Variants in SAFB2 observed in about 807,000 individuals in gnomAD.
SAFB2 encodes scaffold attachment factor B2.
Under a neutral mutation model 100.6 loss-of-function variants are expected in SAFB2, and 32 were observed. The observed-to-expected ratio is 0.32, with a 90% confidence interval of 0.24 to 0.43. The LOEUF (loss-of-function observed/expected upper bound fraction) is 0.43, where lower values mean the gene tolerates loss of function less well. Ranked by LOEUF, SAFB2 falls within the 20% of genes least tolerant of loss-of-function variation. The pLI is 1.00. For missense variants in SAFB2, 1,185 were observed against 1,163.4 expected, an observed-to-expected ratio of 1.02 and a Z score of -0.27; for synonymous variants, 500 against 439.4, an observed-to-expected ratio of 1.14 and a Z score of -1.72.
intron 11 of SAFB2, among the ~76,000 whole-genome samples, 190 bp downstream of exon 11, chr19:5,604,393 A>C (rs1011499415): frequency 5.3e-5 from 8 of 152,326 alleles, no homozygotes; most frequent in African/African-American, 1.9e-4. Context: ...CCCTGTCTCC[A>C]AAAAATAAAT....
chr19:5,616,163 C>T lies in SAFB2; in HGVS notation c.512G>A (p.Arg171Lys). 6.2e-7 allele frequency: 1 copy of T among 1,614,240 alleles called. No individual in the cohort carries two copies. Among genetic ancestry groups the T allele is most frequent in the African/African-American group, 1.3e-5 (1 of 75,058 alleles). Residue 171 changes from arginine (R) to lysine (K), a missense_variant, in exon 4 of 21, where the codon AGA becomes AAA. Transcript: ENST00000252542. The part of the protein sequence containing the change: ...DSKEYVAAQL[R>K]QLPAQPPEHA... ...CTCTGGGGGCTGAGCCGGGAGCTGT[C>T]TCAGCTGTGCAGCCACGTATTCTTT... is the stretch of plus-strand genomic sequence containing the variant.
At chr19:5,618,629 A>G (rs1468532516) in intron 2 of SAFB2, among the ~76,000 whole-genome samples, 1 of 152,254 alleles carries the variant, frequency 6.6e-6, no homozygotes, top group African/African-American at 2.4e-5. Flanking sequence ...AACACAGCAT[A>G]TCCTTTTGAA....
chr19:5,594,649 C>G (rs1486691508), intron 14 of SAFB2, among the ~76,000 whole-genome samples: 1 of 152,150 alleles, frequency 6.6e-6, no homozygotes, highest in Non-Finnish European at 1.5e-5. Context: ...GGCACCATCC[C>G]ATCCCATCAA....
chr19:5,597,614 A>T (rs551295182), intron 13 of SAFB2, among the ~76,000 whole-genome samples: 4 of 152,174 alleles, frequency 2.6e-5, no homozygotes, highest in Non-Finnish European at 5.9e-5. Flanking sequence ...CCAACTGGAC[A>T]CACGGAGGCT....
Position 5,604,851 on chromosome 19 carries a change from G to A in SAFB2, c.1382C>T (p.Ala461Val), listed in dbSNP as rs142026681. The A allele has an allele frequency of 1.2e-5, 19 of 1,614,100 alleles. No homozygotes were observed. The highest frequency in any genetic ancestry group is 6.7e-5 in the Admixed American group (4 of 60,020). ...GTGGAGATGGCTGATGCACTTGGTC[G>A]CCTCGTCAGATGTCGACATGGTGAC... is the stretch of plus-strand genomic sequence containing the variant. ...GFVTMSTSDEATKCISHLHRT... is the reference protein window; with the variant it reads ...GFVTMSTSDEVTKCISHLHRT... Residue 461 changes from alanine to valine, a missense_variant, in exon 10 of 21, where the codon GCG becomes GTG. Ala to Val is a moderately conservative substitution (Grantham distance 64). Coordinates refer to ENST00000252542, the MANE Select transcript of SAFB2 (RefSeq NM_014649.3).
intron 14 of SAFB2, 140 bp from the exon 15 acceptor site, chr19:5,594,318 G>C (rs2052490707): frequency 3.0e-6 from 3 of 996,860 alleles, no homozygotes; most frequent in Non-Finnish European, 4.2e-6. Flanking sequence ...AAAGCTGCGC[G>C]TGCAGGGGGT....
chr19:5,607,137 T>C (rs2052793311), intron 9 of SAFB2, among the ~76,000 whole-genome samples: 1 of 152,202 alleles, frequency 6.6e-6, no homozygotes, highest in Admixed American at 6.5e-5. Flanking sequence ...GGCGGGCACC[T>C]GTAGTTCCAG....
chr19:5,613,399 T>G, intron 5 of SAFB2, 66 bp downstream of exon 5: 1 of 1,405,324 alleles, frequency 7.1e-7, no homozygotes, highest in African/African-American at 1.4e-5. Flanking sequence ...CACACTGCTC[T>G]TTCATTATGG....
intron 18 of SAFB2, 141 bp downstream of exon 18, chr19:5,590,137 G>A: frequency 1.4e-6 from 1 of 711,886 alleles, no homozygotes; most frequent in East Asian, 3.3e-5. Flanking sequence ...TGAGTCAGGG[G>A]TTTCAAATGG....
chr19:5,590,158 G>T, intron 18 of SAFB2, 120 bp downstream of exon 18: 1 of 909,760 alleles, frequency 1.1e-6, no homozygotes, highest in Non-Finnish European at 1.6e-6. Context: ...CAGGACCCCT[G>T]GTAGCCCATC....
chr19:5,600,506 G>A lies in SAFB2; in HGVS notation c.1560-246C>T, dbSNP rs148321137. On this transcript the variant is annotated intron_variant, in intron 11 of 20. Coordinates refer to ENST00000252542, the MANE Select transcript of SAFB2 (RefSeq NM_014649.3). ...TGCACAATGAAATTCCTGGGGATGCGTTTCCAAAATGTCAGACAGGCTAGC... is the reference window on the plus strand; with the variant it reads ...TGCACAATGAAATTCCTGGGGATGCATTTCCAAAATGTCAGACAGGCTAGC... Among the ~76,000 whole-genome samples, 168 of 152,326 alleles carry A rather than the reference G, an allele frequency of 1.1e-3. 1 individual carries two copies. Among genetic ancestry groups the A allele is most frequent in the Middle Eastern group, 3.4e-3 (1 of 294 alleles).
At chr19:5,617,921 C>T (rs1307001611) in intron 2 of SAFB2, among the ~76,000 whole-genome samples, 9 of 152,126 alleles carry the variant, frequency 5.9e-5, no homozygotes, top group Admixed American at 5.2e-4. Context: ...GCAGGTGGCT[C>T]GCTTGAGCCT....
rs764469465 is a variant in SAFB2, at chr19:5,616,476, C to T, written c.285G>A (p.Met95Ile). Residue 95 changes from methionine to isoleucine, a missense_variant, in exon 3 of 21, where the codon ATG (methionine) becomes ATA (isoleucine). This residue lies in a region of SAFB2 where 351 missense variants were observed against 341.2 expected (regional missense o/e 1.03). Coordinates refer to ENST00000252542, the MANE Select transcript of SAFB2 (RefSeq NM_014649.3). ...CATTATCTTCTGTGCCTTCCTCCTC[C>T]ATCTTCAGTCCTAATTACAGAATAA... Reference protein sequence around the residue: ...SAKRCVKGLKMEEEGTEDNGL... With the variant: ...SAKRCVKGLKIEEEGTEDNGL... 1 of 1,613,832 alleles carries T rather than the reference C, an allele frequency of 6.2e-7. No individual in the cohort carries two copies. The highest frequency in any genetic ancestry group is 2.2e-5 in the East Asian group (1 of 44,878).
At chr19:5,607,677 C>T (rs806705) in intron 9 of SAFB2, among the ~76,000 whole-genome samples, 143,185 of 152,344 alleles carry the variant, frequency 0.94, 67,380 homozygotes, top group Middle Eastern at 1. Context: ...CCCACCACCA[C>T]TGGCGCGCAG....
intron 4 of SAFB2, 119 bp downstream of exon 4, chr19:5,616,013 T>C (rs1189576736): frequency 1.1e-6 from 1 of 874,746 alleles, no homozygotes; most frequent in African/African-American, 1.7e-5. Flanking sequence ...CACCAGGGTG[T>C]AGAAGCAGAA....
intron 16 of SAFB2, 52 bp from the exon 17 acceptor site, chr19:5,591,845 T>C (rs1170751582): frequency 6.3e-7 from 1 of 1,590,356 alleles, no homozygotes; most frequent in South Asian, 1.1e-5. Flanking sequence ...ACTACACATT[T>C]CTGCAGGTCA....
chr19:5,611,682 A>C (rs912720792), intron 6 of SAFB2, 52 bp from the exon 7 acceptor site: 1 of 376,648 alleles, frequency 2.7e-6, no homozygotes, highest in Non-Finnish European at 5.4e-6. Flanking sequence ...CCAGGGAAAT[A>C]AAGCAATCAC....
intron 11 of SAFB2, among the ~76,000 whole-genome samples, chr19:5,602,945 C>T (rs1176494024): frequency 7.2e-6 from 1 of 139,680 alleles, no homozygotes; most frequent in South Asian, 2.6e-4. Context: ...CATGAAGGCT[C>T]ATCTGACACT....
At chr19:5,615,680 CA>C (rs1330369696) in intron 4 of SAFB2, among the ~76,000 whole-genome samples, 1 of 152,170 alleles carries the variant, frequency 6.6e-6, no homozygotes, top group Non-Finnish European at 1.5e-5. Context: ...CCAGCCTGCA[CA>C]ACAGAGCAAG....
Sources: gnomAD v4.1 joint callset for allele counts (sites outside exome capture counted in the v4.1 genomes callset) on GRCh38, gnomAD v4.1.1 for gene constraint, gnomAD v4.1.1 regional missense constraint, MANE v1.5 for transcripts, NCBI Gene and HGNC (gene_info 2026-07-23, HGNC 2026-07-21) for gene names.